Variants in CDK6 observed in about 807,000 individuals in gnomAD.
The protein encoded by CDK6 is cyclin dependent kinase 6, also known as cyclin-dependent kinase 6.
CDK6 carries 6 observed loss-of-function variants against 37.1 expected under a neutral mutation model. That is an observed-to-expected ratio of 0.16 (90% CI 0.09 to 0.32). The LOEUF (loss-of-function observed/expected upper bound fraction) is 0.32, where lower values mean the gene tolerates loss of function less well. Among genes scored for constraint, CDK6 ranks in the 10% least tolerant of loss-of-function variants. The probability of loss-of-function intolerance (pLI) is 1.00; values close to 1 mark genes in which losing one functional copy is unlikely to be tolerated. For synonymous variants in CDK6, 160 were observed against 161.3 expected (o/e 0.99, Z 0.06); for missense variants, 224 against 418.9 (o/e 0.53, Z 4.06).
rs1795533467 is a variant in CDK6 at position 92,610,253 on chromosome 7, A to G, written c.*4887T>C. The G allele has an allele frequency of 4.3e-6, 1 of 232,252 alleles. No individual in the cohort carries two copies. Among genetic ancestry groups the G allele is most frequent in the Non-Finnish European group, 8.5e-6 (1 of 117,530 alleles). The allele number at this position is 232,252 out of a possible 1,614,324, so 14.4% of individuals were successfully genotyped here. ...AGATGCTCGAAAAGAGCCTGTATTT[A>G]TTTTCAGGTGGCTCTTGTTTTCTTC... On this transcript the variant is annotated 3_prime_UTR_variant, in exon 8 of 8. Transcript: ENST00000424848.
At chr7:92,661,350 G>T (rs1056994562) in intron 5 of CDK6, among the ~76,000 whole-genome samples, 9 of 152,102 alleles carry the variant, frequency 5.9e-5, no homozygotes, top group African/African-American at 2.2e-4. Context: ...ACCAAATATA[G>T]CTGACCCTCG....
chr7:92,816,946 C>A (rs965185274), intron 2 of CDK6, among the ~76,000 whole-genome samples: 9 of 151,546 alleles, frequency 5.9e-5, no homozygotes, highest in East Asian at 1.9e-4. Flanking sequence ...ACCACCCCCC[C>A]AAAAAAACCC....
At position 92,680,899 on chromosome 7, in the gene CDK6, T is replaced by C. The variant is rs147234727; in HGVS notation, c.538-9364A>G. Among the ~76,000 whole-genome samples the C allele has an allele frequency of 1.3e-3, 202 of 152,364 alleles. 1 individual carries two copies. The highest frequency in any genetic ancestry group is 4.5e-3 in the Admixed American group (69 of 15,310). ...CCAGCTGGAAGTAATGGCTCTTCTC[T>C]GAGCTTCCACTGCACTTCTATAGTA... On this transcript the variant is annotated intron_variant, in intron 4 of 7. Transcript: ENST00000424848.
chr7:92,661,554 A>G (rs1403643397), intron 5 of CDK6, among the ~76,000 whole-genome samples: 5 of 152,208 alleles, frequency 3.3e-5, no homozygotes, highest in Non-Finnish European at 7.4e-5. Context: ...GTAAGCAGAG[A>G]AAGGAAATGT....
At chr7:92,811,388 T>C (rs1229477374) in intron 2 of CDK6, among the ~76,000 whole-genome samples, 1 of 152,036 alleles carries the variant, frequency 6.6e-6, no homozygotes, top group African/African-American at 2.4e-5. Flanking sequence ...TGGCTGAAAA[T>C]ATTTACGCCC....
intron 3 of CDK6, among the ~76,000 whole-genome samples, chr7:92,747,715 C>T (rs185213174): frequency 9.9e-5 from 15 of 152,272 alleles, no homozygotes; most frequent in South Asian, 2.1e-4. Flanking sequence ...ACACTGTATT[C>T]GTCATAAACT....
At chr7:92,720,529 G>A (rs932444803) in intron 4 of CDK6, among the ~76,000 whole-genome samples, 3 of 152,136 alleles carry the variant, frequency 2.0e-5, no homozygotes, top group Admixed American at 6.6e-5. Context: ...CACCCTCCAA[G>A]CTGTATGATT....
At position 92,681,153 on chromosome 7, in the gene CDK6, C is replaced by CT. The variant is rs538561128; in HGVS notation, c.538-9619dup. Among the ~76,000 whole-genome samples, 8 of 152,262 alleles carry CT rather than the reference C, an allele frequency of 5.3e-5. No individual in the cohort carries two copies. In the South Asian group the frequency reaches 1.5e-3, roughly 28 times the overall value. ...TTAATATCTTTGAGTAATCATGTAT[C>CT]TTTAACAGAGGAAATGATCCTGTGG... On this transcript the variant is annotated intron_variant, in intron 4 of 7. Coordinates refer to ENST00000424848, the MANE Select transcript of CDK6 (RefSeq NM_001145306.2).
At chr7:92,625,642 A>G (rs1178151907) in intron 5 of CDK6, among the ~76,000 whole-genome samples, 2 of 152,064 alleles carry the variant, frequency 1.3e-5, no homozygotes, top group Non-Finnish European at 2.9e-5. Flanking sequence ...CAAGGGGACT[A>G]AGTTTCAGAT....
chr7:92,607,832 G>T lies in CDK6; in HGVS notation c.*7308C>A. 4.3e-6 allele frequency: 1 copy of T among 232,948 alleles called. No homozygotes were observed. Among genetic ancestry groups the T allele is most frequent in the Non-Finnish European group, 8.5e-6 (1 of 117,672 alleles). 14.4% of individuals were successfully genotyped at this position (232,948 alleles called of 1,614,324 possible). ...TAATAGGAAAACAAATGAATAAAAAGTGAGGAACTATGATATACATGTGTA... is the reference window on the plus strand; with the variant it reads ...TAATAGGAAAACAAATGAATAAAAATTGAGGAACTATGATATACATGTGTA... On this transcript the variant is annotated 3_prime_UTR_variant, in exon 8 of 8. Transcript: ENST00000424848.
chr7:92,761,523 C>A (rs1162958785), intron 3 of CDK6, among the ~76,000 whole-genome samples: 1 of 152,118 alleles, frequency 6.6e-6, no homozygotes, highest in Non-Finnish European at 1.5e-5. Context: ...ACAGTATCTC[C>A]ATTATTTCAC....
chr7:92,790,224 C>T (rs1800248140), intron 2 of CDK6, among the ~76,000 whole-genome samples: 1 of 152,162 alleles, frequency 6.6e-6, no homozygotes, highest in South Asian at 2.1e-4. Flanking sequence ...AACCCAGAAG[C>T]CTTCAAATAA....
intron 2 of CDK6, among the ~76,000 whole-genome samples, chr7:92,822,838 G>C (rs904225479): frequency 1.3e-5 from 2 of 152,028 alleles, no homozygotes; most frequent in Non-Finnish European, 2.9e-5. Context: ...AAATATGGCA[G>C]AATTTTCATC....
At chr7:92,624,050 A>G (rs1795868752) in intron 5 of CDK6, among the ~76,000 whole-genome samples, 1 of 152,084 alleles carries the variant, frequency 6.6e-6, no homozygotes, top group Admixed American at 6.6e-5. Flanking sequence ...TTTTCTGTGC[A>G]CAATAAATGA....
intron 2 of CDK6, among the ~76,000 whole-genome samples, chr7:92,822,900 A>G (rs1801208187): frequency 6.6e-6 from 1 of 152,048 alleles, no homozygotes; most frequent in African/African-American, 2.4e-5. Flanking sequence ...GAAACTTCAG[A>G]TCTACTCACT....
chr7:92,659,981 T>C (rs1033391352), intron 5 of CDK6, among the ~76,000 whole-genome samples: 5 of 152,196 alleles, frequency 3.3e-5, no homozygotes, highest in African/African-American at 1.2e-4. Context: ...GGACTATGCA[T>C]AGGAAGGGAA....
chr7:92,808,924 A>G (rs1025409112), intron 2 of CDK6, among the ~76,000 whole-genome samples: 1 of 152,128 alleles, frequency 6.6e-6, no homozygotes, highest in African/African-American at 2.4e-5. Context: ...TTCTGTAGGA[A>G]TTTTTACTTT....
Position 92,764,477 on chromosome 7 carries a change from C to G in CDK6, c.369+10219G>C, listed in dbSNP as rs907991507. On this transcript the variant is annotated intron_variant, in intron 3 of 7. Coordinates refer to ENST00000424848, the MANE Select transcript of CDK6 (RefSeq NM_001145306.2). ...GACATTCAAGGAATTCTCTTTTACT[C>G]CCTAAACTCCAAGTGTCACAGTGCC... Among the ~76,000 whole-genome samples the G allele has an allele frequency of 7.9e-5, 12 of 152,278 alleles. No homozygotes were observed. The East Asian group carries it at 2.3e-3, about 29-fold the overall frequency.
chr7:92,698,235 C>G (rs1020359748), intron 4 of CDK6, among the ~76,000 whole-genome samples: 13 of 152,186 alleles, frequency 8.5e-5, no homozygotes, highest in Non-Finnish European at 2.9e-5. Context: ...AATTATTAGG[C>G]ACCACCAGTT....
Sources: gnomAD v4.1 joint callset for allele counts (sites outside exome capture counted in the v4.1 genomes callset) on GRCh38, gnomAD v4.1.1 for gene constraint, MANE v1.5 for transcripts, NCBI Gene and HGNC (gene_info 2026-07-23, HGNC 2026-07-21) for gene names.